Variants in GNAQ observed in about 807,000 individuals in gnomAD.
GNAQ encodes guanine nucleotide-binding protein G(q) subunit alpha.
GNAQ carries 8 observed loss-of-function variants against 43.9 expected under a neutral mutation model. The ratio of observed to expected loss-of-function variants is 0.18; its 90% confidence interval spans 0.11 to 0.33. The LOEUF (loss-of-function observed/expected upper bound fraction) is 0.33. Ranked by LOEUF, GNAQ falls within the 10% of genes least tolerant of loss-of-function variation. The pLI is 1.00. For synonymous variants in GNAQ, 155 were observed against 170.7 expected (o/e 0.91, Z 0.71); for missense variants, 158 against 450.8 (o/e 0.35, Z 5.88).
chr9:77,719,506 G>A lies in GNAQ; in HGVS notation c.*1817C>T, dbSNP rs1429121280. The A allele has an allele frequency of 4.3e-5, 10 of 232,522 alleles. No individual in the cohort carries two copies. Among genetic ancestry groups the A allele is most frequent in the East Asian group, 1.2e-4 (2 of 16,522 alleles). 14.4% of individuals were successfully genotyped at this position (232,522 alleles called of 1,614,324 possible). A position where few individuals can be genotyped will look rare whatever the true frequency, so the allele number is the denominator to read the frequency against. ...TGAGAACATCTCATTACTGTTGGGC[G>A]GCTTTGGTACTCATTTAACAGGCCG... On this transcript the variant is annotated 3_prime_UTR_variant, in exon 7 of 7. Coordinates refer to ENST00000286548, the MANE Select transcript of GNAQ (RefSeq NM_002072.5).
intron 2 of GNAQ, among the ~76,000 whole-genome samples, chr9:77,911,217 A>G (rs892956030): frequency 2.0e-5 from 3 of 152,206 alleles, no homozygotes; most frequent in South Asian, 2.1e-4. Context: ...TAGGCCACCA[A>G]GCATAAGCTG....
chr9:78,012,383 G>C (rs998884940), intron 1 of GNAQ, among the ~76,000 whole-genome samples: 3 of 151,848 alleles, frequency 2.0e-5, no homozygotes, highest in African/African-American at 7.3e-5. Context: ...GATTACAGGT[G>C]CGCGCCATAC....
chr9:77,905,584 C>T (rs1308244317), intron 2 of GNAQ, among the ~76,000 whole-genome samples: 2 of 152,152 alleles, frequency 1.3e-5, no homozygotes, highest in African/African-American at 2.4e-5. Flanking sequence ...GAGATAACTG[C>T]ACAGGAACAT....
At position 77,771,943 on chromosome 9, in the gene GNAQ, C is replaced by A. The variant is rs12340189; in HGVS notation, c.735+22520G>T. ...AAACCCACCCTGGAAGGCTGAGGAG[C>A]CAGCTAATTCCCATCTGCTGCTGTG... On this transcript the variant is annotated intron_variant, in intron 5 of 6. Coordinates refer to ENST00000286548, the MANE Select transcript of GNAQ (RefSeq NM_002072.5). 5.4e-3 allele frequency among the ~76,000 whole-genome samples: 817 copies of A among 152,204 alleles called. 3 individuals are homozygous for A. The highest frequency in any genetic ancestry group is 0.018 in the African/African-American group (734 of 41,544).
At chr9:77,819,292 C>T (rs868332255) in intron 2 of GNAQ, among the ~76,000 whole-genome samples, 1 of 152,120 alleles carries the variant, frequency 6.6e-6, no homozygotes, top group African/African-American at 2.4e-5. Flanking sequence ...GTCTTGTTTT[C>T]AGATTCAGTC....
chr9:77,797,713 G>A (rs878978104), intron 3 of GNAQ, 65 bp from the exon 4 acceptor site: 11 of 1,488,444 alleles, frequency 7.4e-6, no homozygotes, highest in South Asian at 2.4e-5. Context: ...TCTACGGAAA[G>A]GGAAGGACAA....
chr9:78,007,964 T>C (rs910026224), intron 1 of GNAQ, among the ~76,000 whole-genome samples: 5 of 152,224 alleles, frequency 3.3e-5, no homozygotes, highest in African/African-American at 9.6e-5. Flanking sequence ...TTTTTTGGAA[T>C]AATTCTCATG....
rs1314333286 is a variant in GNAQ, at chr9:77,820,217, G to C, written c.322-4447C>G. Among the ~76,000 whole-genome samples, 5 of 151,966 alleles carry C rather than the reference G, an allele frequency of 3.3e-5. No individual in the cohort carries two copies. In the East Asian group the frequency reaches 9.6e-4, roughly 29 times the overall value. ...TGCTCAAATGTGAAATTACAGTCTG[G>C]AGGCCCTGACTGGATAATAGATCTC... On this transcript the variant is annotated intron_variant, in intron 2 of 6. Coordinates refer to ENST00000286548, the MANE Select transcript of GNAQ (RefSeq NM_002072.5).
chr9:77,934,702 C>G (rs1290470870), intron 1 of GNAQ, among the ~76,000 whole-genome samples: 1 of 152,146 alleles, frequency 6.6e-6, no homozygotes, highest in Non-Finnish European at 1.5e-5. Flanking sequence ...CGCATACAAC[C>G]ACAAAAGGAT....
intron 1 of GNAQ, among the ~76,000 whole-genome samples, chr9:77,963,820 A>T (rs778504278): frequency 3.3e-5 from 5 of 152,178 alleles, no homozygotes; most frequent in Non-Finnish European, 7.3e-5. Context: ...TTCTGTGAGA[A>T]TTTTTACAGA....
intron 1 of GNAQ, among the ~76,000 whole-genome samples, chr9:78,012,243 T>C (rs1037068164): frequency 2.6e-5 from 4 of 151,018 alleles, no homozygotes; most frequent in African/African-American, 9.7e-5. Context: ...ATTTTCTTTT[T>C]TTTTTTTTTT....
rs118084358 is a variant in GNAQ at position 77,820,357 on chromosome 9, C to A, written c.322-4587G>T. 4.3e-3 allele frequency among the ~76,000 whole-genome samples: 655 copies of A among 152,300 alleles called. 2 individuals are homozygous for A. The highest frequency in any genetic ancestry group is 7.7e-3 in the Non-Finnish European group (521 of 68,022). On this transcript the variant is annotated intron_variant, in intron 2 of 6. Transcript: ENST00000286548. Reference sequence around the variant, plus strand: ...TTCTGACTTCATTAGAACCTGAACCCTGACCTTTCAGGTGCATTATATGCA... The same window carrying A: ...TTCTGACTTCATTAGAACCTGAACCATGACCTTTCAGGTGCATTATATGCA...
intron 1 of GNAQ, among the ~76,000 whole-genome samples, chr9:78,015,797 T>C (rs1025121012): frequency 6.6e-6 from 1 of 152,124 alleles, no homozygotes; most frequent in Non-Finnish European, 1.5e-5. Context: ...AATTTTAGAA[T>C]ATCTGTAAAA....
intron 5 of GNAQ, among the ~76,000 whole-genome samples, chr9:77,783,497 C>T (rs1028447201): frequency 1.3e-5 from 2 of 152,170 alleles, no homozygotes; most frequent in Non-Finnish European, 2.9e-5. Flanking sequence ...TCTTCTGTCT[C>T]TACAGACTCT....
chr9:77,798,337 C>A (rs951806126), intron 3 of GNAQ, among the ~76,000 whole-genome samples: 2 of 152,124 alleles, frequency 1.3e-5, no homozygotes, highest in African/African-American at 4.8e-5. Flanking sequence ...TTTGAAATAA[C>A]TTTAGACTCA....
chr9:77,799,061 T>C (rs1437804654), intron 3 of GNAQ, among the ~76,000 whole-genome samples: 3 of 152,176 alleles, frequency 2.0e-5, no homozygotes, highest in Non-Finnish European at 4.4e-5. Context: ...TTTCTCAAAG[T>C]GTAAAAAATA....
At chr9:77,878,773 G>C (rs1354293871) in intron 2 of GNAQ, among the ~76,000 whole-genome samples, 1 of 152,062 alleles carries the variant, frequency 6.6e-6, no homozygotes, top group African/African-American at 2.4e-5. Context: ...TGGCCAGGCA[G>C]GGTGGCTCAC....
At chr9:78,024,014 C>T (rs1823945355) in intron 1 of GNAQ, among the ~76,000 whole-genome samples, 1 of 145,840 alleles carries the variant, frequency 6.9e-6, no homozygotes, top group Non-Finnish European at 1.5e-5. Flanking sequence ...CAATCCATTA[C>T]TTGAAAACAA....
chr9:77,731,698 C>G (rs1825492090), intron 5 of GNAQ, among the ~76,000 whole-genome samples: 1 of 152,172 alleles, frequency 6.6e-6, no homozygotes, highest in African/African-American at 2.4e-5. Context: ...CGTCTTAAAA[C>G]AAGGCTTCTA....
Sources: gnomAD v4.1 joint callset for allele counts (sites outside exome capture counted in the v4.1 genomes callset) on GRCh38, gnomAD v4.1.1 for gene constraint, MANE v1.5 for transcripts, NCBI Gene and HGNC (gene_info 2026-07-23, HGNC 2026-07-21) for gene names.